Variants in MEAK7 observed in about 807,000 individuals in gnomAD.
MEAK7 encodes the protein MTOR associated protein MEAK7, also known as MTOR-associated protein MEAK7.
A neutral mutation model predicts 40.5 loss-of-function variants in MEAK7; 68 were observed. The observed-to-expected ratio is 1.68, with a 90% CI of 1.38 to 2.06. The LOEUF (loss-of-function observed/expected upper bound fraction) is 2.06. Ranked by LOEUF, MEAK7 falls within the 30% of genes most tolerant of loss-of-function variation. The pLI, the probability that MEAK7 is intolerant of heterozygous loss-of-function variation, is 0.00. For missense variants in MEAK7, 918 were observed against 580.5 expected (o/e 1.58, Z -5.98); for synonymous variants, 338 against 231.9 (o/e 1.46, Z -4.16).
chr16:84,502,687 A>C (rs1375366371), intron 1 of MEAK7: 1 of 152,194 alleles, frequency 6.6e-6, no homozygotes, highest in Non-Finnish European at 1.5e-5. Flanking sequence ...CCTGGGCAAC[A>C]TAGTGAGACT....
At chr16:84,482,783 A>G in intron 5 of MEAK7, 73 bp from the exon 6 acceptor site, 3 of 1,587,328 alleles carry the variant, frequency 1.9e-6, no homozygotes, top group Non-Finnish European at 2.6e-6. Flanking sequence ...AAATGCCGGT[A>G]AGCTGCAGCT....
At chr16:84,501,720 G>A (rs1303381353) in intron 1 of MEAK7, among the ~76,000 whole-genome samples, 1 of 152,132 alleles carries the variant, frequency 6.6e-6, no homozygotes, top group Non-Finnish European at 1.5e-5. Flanking sequence ...GTGGGAAGGT[G>A]GGCAGCCCCT....
chr16:84,502,461 G>A (rs559693523), intron 1 of MEAK7, among the ~76,000 whole-genome samples: 6 of 152,064 alleles, frequency 3.9e-5, no homozygotes, highest in South Asian at 2.1e-4. Flanking sequence ...AAATGGAAGC[G>A]GAACTTGATA....
chr16:84,489,570 G>T, intron 3 of MEAK7, 148 bp from the exon 4 acceptor site: 1 of 966,372 alleles, frequency 1.0e-6, no homozygotes, highest in Non-Finnish European at 1.5e-6. Flanking sequence ...GTAGTTACTC[G>T]TTTTTCTAAT....
At position 84,495,709 on chromosome 16, in the gene MEAK7, G is replaced by T. The variant is rs775099010; in HGVS notation, c.358C>A (p.Pro120Thr). ...TTTTGGACTTCTCTGGCCTTCACGG[G>T]ACCTTCTGTGGCAGAAATCATTTTC... ...IMKMISATEG[P>T]VKAREVQKFT... The change falls in exon 3 of 8, where the codon CCC (proline) becomes ACC (threonine). Residue 120 changes from proline to threonine, a missense_variant. Pro to Thr is a conservative substitution (Grantham distance 38). Coordinates refer to ENST00000343629, the MANE Select transcript of MEAK7 (RefSeq NM_020947.4). 4.3e-6 allele frequency: 7 copies of T among 1,613,964 alleles called. No individual in the cohort carries two copies. In the African/African-American group the frequency reaches 9.4e-5, roughly 22 times the overall value.
chr16:84,481,158 G>A (rs1035076881), intron 6 of MEAK7, among the ~76,000 whole-genome samples: 5 of 152,336 alleles, frequency 3.3e-5, no homozygotes, highest in East Asian at 1.9e-4. Flanking sequence ...GACAGGCTGG[G>A]AAACTCAGCT....
In MEAK7 at chr16:84,482,455, G is replaced by T; in HGVS notation, c.1077+137C>A. 12 of 1,422,458 alleles carry T rather than the reference G, an allele frequency of 8.4e-6. No individual in the cohort carries two copies. In the South Asian group the frequency reaches 1.5e-4, roughly 17 times the overall value. 88.1% of individuals were successfully genotyped at this position (1,422,458 alleles called of 1,614,324 possible). A position where few individuals can be genotyped will look rare whatever the true frequency, so the allele number is the denominator to read the frequency against. ...GCCCCCAGCACCGGCCCTGGAAACA[G>T]AAGGAACTGGACATGGCGTGCGTGA... On this transcript the variant is annotated intron_variant, in intron 6 of 7. Transcript: ENST00000343629.
intron 6 of MEAK7, 129 bp downstream of exon 6, chr16:84,482,463 T>G (rs1912647847): frequency 3.4e-6 from 5 of 1,468,100 alleles, no homozygotes; most frequent in Non-Finnish European, 4.6e-6. Flanking sequence ...CAGAAGGAAC[T>G]GGACATGGCG....
chr16:84,484,008 C>A (rs960509400), intron 5 of MEAK7, among the ~76,000 whole-genome samples: 1 of 152,214 alleles, frequency 6.6e-6, no homozygotes, highest in African/African-American at 2.4e-5. Flanking sequence ...TTAGACGCCG[C>A]CATGAACAGC....
At chr16:84,494,597 GA>G in intron 3 of MEAK7, 1 of 286,552 alleles carries the variant, frequency 3.5e-6, no homozygotes, top group South Asian at 3.0e-5. Context: ...ATGGACTTCA[GA>G]GTAATATGGC....
chr16:84,484,268 C>G (rs1363988814), intron 5 of MEAK7, among the ~76,000 whole-genome samples: 1 of 152,204 alleles, frequency 6.6e-6, no homozygotes, highest in East Asian at 1.9e-4. Context: ...TTATGATTAT[C>G]TGTGGAAAAA....
At chr16:84,481,103 T>C (rs1367139601) in intron 6 of MEAK7, among the ~76,000 whole-genome samples, 2 of 152,200 alleles carry the variant, frequency 1.3e-5, no homozygotes, top group Non-Finnish European at 2.9e-5. Flanking sequence ...ACCCCCTGTG[T>C]TGGGGCCCCA....
chr16:84,503,934 A>AG, intron 1 of MEAK7: 1 of 985,538 alleles, frequency 1.0e-6, no homozygotes. Context: ...GCATCCCTAG[A>AG]GCCACACAAG....
chr16:84,477,622 T>A lies in MEAK7; in HGVS notation c.*2291A>T, dbSNP rs1912168514. ...TTCCTCCTAGCACTTTCTAGGGCCC[T>A]GATAAGTCTTCATTTGTAGGGAGAC... On this transcript the variant is annotated 3_prime_UTR_variant, in exon 8 of 8. Coordinates refer to ENST00000343629, the MANE Select transcript of MEAK7 (RefSeq NM_020947.4). 1 of 148,346 alleles carries A rather than the reference T, an allele frequency of 6.7e-6. No homozygotes were observed. The highest frequency in any genetic ancestry group is 2.0e-4 in the East Asian group (1 of 5,062). 9.2% of individuals were successfully genotyped at this position (148,346 alleles called of 1,614,324 possible).
intron 1 of MEAK7, among the ~76,000 whole-genome samples, chr16:84,501,123 A>AT (rs1914469137): frequency 7.1e-6 from 1 of 140,674 alleles, no homozygotes; most frequent in African/African-American, 2.6e-5. Context: ...AAAAAAAAAA[A>AT]AAGAGGGGAA....
chr16:84,485,391 A>G (rs1406536430), intron 5 of MEAK7, among the ~76,000 whole-genome samples: 1 of 152,206 alleles, frequency 6.6e-6, no homozygotes, highest in Non-Finnish European at 1.5e-5. Flanking sequence ...CCTGCTACCT[A>G]TTCCAGCCAG....
Position 84,489,308 on chromosome 16 carries a change from C to A in MEAK7, c.499G>T (p.Ala167Ser). Reference protein sequence around the residue: ...GPNPRVQVLAAQLLSDMKLQD... With the variant: ...GPNPRVQVLASQLLSDMKLQD... ...AGCTTCATGTCAGAGAGCAGCTGAG[C>A]AGCCAGCACCTGCACCCGGGGGTTG... Residue 167 changes from alanine (A) to serine (S), a missense_variant, in exon 4 of 8, where the codon GCT (alanine) becomes TCT (serine). Coordinates refer to ENST00000343629, the MANE Select transcript of MEAK7 (RefSeq NM_020947.4). 1 of 1,614,196 alleles carries A rather than the reference C, an allele frequency of 6.2e-7. No individual in the cohort carries two copies.
At chr16:84,484,613 A>T (rs547932550) in intron 5 of MEAK7, among the ~76,000 whole-genome samples, 41 of 152,238 alleles carry the variant, frequency 2.7e-4, no homozygotes, top group Non-Finnish European at 5.6e-4. Context: ...TTACGAAGCC[A>T]CATTACCCCG....
At chr16:84,482,191 G>A (rs553146056) in intron 6 of MEAK7, among the ~76,000 whole-genome samples, 1 of 152,294 alleles carries the variant, frequency 6.6e-6, no homozygotes, top group East Asian at 1.9e-4. Flanking sequence ...GGCCCCACAT[G>A]CTGTCTCATG....
Sources: allele counts gnomAD v4.1 joint callset (sites outside exome capture counted in the v4.1 genomes callset), GRCh38; gene constraint gnomAD v4.1.1; transcripts MANE v1.5; gene names NCBI Gene and HGNC (gene_info 2026-07-23, HGNC 2026-07-21).